Variants in GALR1 observed in about 807,000 individuals in gnomAD.
The protein encoded by GALR1 is galanin receptor type 1.
Under a neutral mutation model 17.9 loss-of-function variants are expected in GALR1, and 11 were observed. The observed-to-expected ratio is 0.62, with a 90% CI of 0.39 to 1.02. The LOEUF (loss-of-function observed/expected upper bound fraction) is 1.02, where lower values mean the gene tolerates loss of function less well. Ranked by LOEUF, GALR1 falls within the 50% of genes least tolerant of loss-of-function variation. The pLI, the probability that GALR1 is intolerant of heterozygous loss-of-function variation, is 0.01. For missense variants in GALR1, 441 were observed against 456.9 expected, an observed-to-expected ratio of 0.97 and a Z score of 0.32; for synonymous variants, 206 against 205.7, an observed-to-expected ratio of 1.00 and a Z score of -0.01.
At chr18:77,255,500 G>GT (rs940249465) in intron 1 of GALR1, among the ~76,000 whole-genome samples, 3 of 152,214 alleles carry the variant, frequency 2.0e-5, no homozygotes, top group Non-Finnish European at 4.4e-5. Context: ...AGCACAGTGG[G>GT]TAGGATTTGA....
chr18:77,250,499 G>T lies in GALR1; in HGVS notation c.-50G>T. 1 of 1,415,032 alleles carries T rather than the reference G, an allele frequency of 7.1e-7. No homozygotes were observed. Among genetic ancestry groups the T allele is most frequent in the Non-Finnish European group, 9.1e-7 (1 of 1,093,474 alleles). The allele number at this position is 1,415,032 out of a possible 1,614,324, so 87.7% of individuals were successfully genotyped here. A position where few individuals can be genotyped will look rare whatever the true frequency, so the allele number is the denominator to read the frequency against. On this transcript the variant is annotated 5_prime_UTR_variant, in exon 1 of 3. Transcript: ENST00000299727. Reference sequence around the variant, plus strand: ...GGCCACCCCCGGCGCCTACTATCCCGCCCTCCCTCCCCGCGCGCCCCGCCG... The same window carrying T: ...GGCCACCCCCGGCGCCTACTATCCCTCCCTCCCTCCCCGCGCGCCCCGCCG...
At position 77,273,209 on chromosome 18, in the gene GALR1, G is replaced by C. The variant is rs993070221; in HGVS notation, c.*4307G>C. The C allele has an allele frequency of 6.6e-6, 1 of 152,252 alleles. No individual in the cohort carries two copies. The highest frequency in any genetic ancestry group is 1.5e-5 in the Non-Finnish European group (1 of 68,142). 9.4% of individuals were successfully genotyped at this position (152,252 alleles called of 1,614,324 possible). A position where few individuals can be genotyped will look rare whatever the true frequency, so the allele number is the denominator to read the frequency against. On this transcript the variant is annotated 3_prime_UTR_variant, in exon 3 of 3. Coordinates refer to ENST00000299727, the MANE Select transcript of GALR1 (RefSeq NM_001480.4). ...GGCTTTCGTTTCTCTGTGGTGCCTG[G>C]TGCTACTCACAGGGCTGACTCACGG... is the stretch of plus-strand genomic sequence containing the variant.
intron 2 of GALR1, 31 bp downstream of exon 2, chr18:77,256,254 ACTTT>A: frequency 1.7e-6 from 2 of 1,206,460 alleles, no homozygotes; most frequent in Non-Finnish European, 1.2e-6. Context: ...TATATATGTT[ACTTT>A]TCAGAGCTTA....
chr18:77,253,138 C>T (rs1034265183), intron 1 of GALR1, among the ~76,000 whole-genome samples: 12 of 151,706 alleles, frequency 7.9e-5, no homozygotes, highest in Non-Finnish European at 1.2e-4. Context: ...CGTGGTCTTC[C>T]GCAGATGCTA....
Position 77,269,951 on chromosome 18 carries a change from G to A in GALR1, c.*1049G>A, listed in dbSNP as rs915027737. 1 of 152,094 alleles carries A rather than the reference G, an allele frequency of 6.6e-6. No homozygotes were observed. The highest frequency in any genetic ancestry group is 2.4e-5 in the African/African-American group (1 of 41,410). The allele number at this position is 152,094 out of a possible 1,614,324, so 9.4% of individuals were successfully genotyped here. ...GGTATCCTATCTTGTACAAATGCAT[G>A]CTTTTTCATTAAATTTGTAATGATG... On this transcript the variant is annotated 3_prime_UTR_variant, in exon 3 of 3. Transcript: ENST00000299727.
rs939674606 is a variant in GALR1 at position 77,272,973 on chromosome 18, C to T, written c.*4071C>T. On this transcript the variant is annotated 3_prime_UTR_variant, in exon 3 of 3. Transcript: ENST00000299727. ...CTGTATTTGCATTAGGCAGAGGTGT[C>T]TAAGGAGAGTGTATCGTGTATTGTG... The T allele has an allele frequency of 6.6e-6, 1 of 152,182 alleles. No individual in the cohort carries two copies. Among genetic ancestry groups the T allele is most frequent in the African/African-American group, 2.4e-5 (1 of 41,440 alleles). The allele number at this position is 152,182 out of a possible 1,614,324, so 9.4% of individuals were successfully genotyped here.
intron 2 of GALR1, among the ~76,000 whole-genome samples, chr18:77,257,329 G>A (rs1003196938): frequency 2.0e-5 from 3 of 152,048 alleles, no homozygotes; most frequent in Admixed American, 6.5e-5. Flanking sequence ...CAATCATACA[G>A]TGTTTAGGAT....
intron 1 of GALR1, 28 bp downstream of exon 1, chr18:77,251,242 C>A (rs771211558): frequency 3.2e-6 from 5 of 1,572,518 alleles, no homozygotes; most frequent in Non-Finnish European, 2.6e-6. Context: ...GGCCGAGACG[C>A]GCGAGGGAGG....
At position 77,270,351 on chromosome 18, in the gene GALR1, C is replaced by T. The variant is rs1238174469; in HGVS notation, c.*1449C>T. 6.6e-6 allele frequency: 1 copy of T among 152,160 alleles called. No homozygotes were observed. The highest frequency in any genetic ancestry group is 1.5e-5 in the Non-Finnish European group (1 of 68,072). 9.4% of individuals were successfully genotyped at this position (152,160 alleles called of 1,614,324 possible). A position where few individuals can be genotyped will look rare whatever the true frequency, so the allele number is the denominator to read the frequency against. Reference sequence around the variant, plus strand: ...GCAACATGGCAAAACTCGGTCTCTACTAAAAATACAAAAATTAGCTGGGTG... The same window carrying T: ...GCAACATGGCAAAACTCGGTCTCTATTAAAAATACAAAAATTAGCTGGGTG... On this transcript the variant is annotated 3_prime_UTR_variant, in exon 3 of 3. Transcript: ENST00000299727.
chr18:77,264,650 A>T (rs1912907811), intron 2 of GALR1, among the ~76,000 whole-genome samples: 1 of 152,168 alleles, frequency 6.6e-6, no homozygotes, highest in Non-Finnish European at 1.5e-5. Flanking sequence ...TGGGTAATTT[A>T]TAAAGAAAAG....
intron 2 of GALR1, among the ~76,000 whole-genome samples, chr18:77,260,583 G>A (rs965337781): frequency 6.6e-6 from 1 of 152,172 alleles, no homozygotes; most frequent in Non-Finnish European, 1.5e-5. Flanking sequence ...ACTTTGAGAT[G>A]GTGCCGCCGT....
Position 77,269,714 on chromosome 18 carries a change from C to G in GALR1, c.*812C>G, listed in dbSNP as rs1211320509. The G allele has an allele frequency of 6.6e-6, 1 of 151,982 alleles. No individual in the cohort carries two copies. Among genetic ancestry groups the G allele is most frequent in the Non-Finnish European group, 1.5e-5 (1 of 68,016 alleles). The allele number at this position is 151,982 out of a possible 1,614,324, so 9.4% of individuals were successfully genotyped here. ...TTTGAAATTTTACATTAGTACTTGA[C>G]AAAAGTTTTCATTTTGCCTTGAATG... On this transcript the variant is annotated 3_prime_UTR_variant, in exon 3 of 3. Coordinates refer to ENST00000299727, the MANE Select transcript of GALR1 (RefSeq NM_001480.4).
At chr18:77,264,863 C>G (rs376174438) in intron 2 of GALR1, among the ~76,000 whole-genome samples, 87 of 152,262 alleles carry the variant, frequency 5.7e-4, no homozygotes, top group African/African-American at 2.0e-3. Context: ...GGTAACTGCC[C>G]TCATGATTCA....
Position 77,250,369 on chromosome 18 carries a change from G to T in GALR1, c.-180G>T, listed in dbSNP as rs552466936. ...CTCAGAAGGTCCCGGCGCAAAGACG[G>T]TGCCACCAGGCACGGCCACCGGATC... On this transcript the variant is annotated 5_prime_UTR_variant, in exon 1 of 3. Coordinates refer to ENST00000299727, the MANE Select transcript of GALR1 (RefSeq NM_001480.4). Among the ~76,000 whole-genome samples, 36 of 152,266 alleles carry T rather than the reference G, an allele frequency of 2.4e-4. No homozygotes were observed. The South Asian group carries it at 7.3e-3, about 31-fold the overall frequency.
At chr18:77,261,954 G>C (rs1347412480) in intron 2 of GALR1, among the ~76,000 whole-genome samples, 1 of 152,120 alleles carries the variant, frequency 6.6e-6, no homozygotes, top group East Asian at 1.9e-4. Context: ...CTCCTGCATA[G>C]CTGGGACTAC....
rs1176742195 is a variant in GALR1 at position 77,269,182 on chromosome 18, C to CAT, written c.*287_*288dup. On this transcript the variant is annotated 3_prime_UTR_variant, in exon 3 of 3. Transcript: ENST00000299727. ...ATTCCTCTTCAGACATGAAAGGGAA[C>CAT]ATATATATTCCATATATATGTTCAA... The CAT allele has an allele frequency of 4.3e-5, 15 of 348,144 alleles. No homozygotes were observed. Among genetic ancestry groups the CAT allele is most frequent in the Admixed American group, 1.4e-4 (3 of 22,020 alleles). 21.6% of individuals were successfully genotyped at this position (348,144 alleles called of 1,614,324 possible).
intron 1 of GALR1, among the ~76,000 whole-genome samples, chr18:77,255,176 C>G (rs577416670): frequency 6.6e-6 from 1 of 152,308 alleles, no homozygotes; most frequent in East Asian, 1.9e-4. Context: ...CTTAGTCGCC[C>G]TGGGGCTAGA....
chr18:77,260,877 A>G (rs1341189482), intron 2 of GALR1, among the ~76,000 whole-genome samples: 1 of 152,180 alleles, frequency 6.6e-6, no homozygotes, highest in Non-Finnish European at 1.5e-5. Flanking sequence ...AGAAAATTGG[A>G]TTAAAGGACC....
rs1913127462 is a variant in GALR1 at position 77,275,005 on chromosome 18, G to C, written c.*6103G>C. The C allele has an allele frequency of 6.6e-6, 1 of 152,150 alleles. No homozygotes were observed. Among genetic ancestry groups the C allele is most frequent in the Non-Finnish European group, 1.5e-5 (1 of 68,036 alleles). 9.4% of individuals were successfully genotyped at this position (152,150 alleles called of 1,614,324 possible). A position where few individuals can be genotyped will look rare whatever the true frequency, so the allele number is the denominator to read the frequency against. On this transcript the variant is annotated 3_prime_UTR_variant, in exon 3 of 3. Transcript: ENST00000299727. The stretch of plus-strand genomic sequence containing the variant: ...TGTTTGGACTTAGGACTTTTTTCCT[G>C]GCTATCCTGCCAATACTTTTCCATC...
Sources: gnomAD v4.1 joint callset for allele counts (sites outside exome capture counted in the v4.1 genomes callset) on GRCh38, gnomAD v4.1.1 for gene constraint, MANE v1.5 for transcripts, NCBI Gene and HGNC (gene_info 2026-07-23, HGNC 2026-07-21) for gene names.